The following CDK14 variants were observed in gnomAD, a reference collection of about 807,000 sequenced individuals.
The protein encoded by CDK14 is cyclin dependent kinase 14.
A neutral mutation model predicts 60.7 loss-of-function variants in CDK14; 34 were observed. The observed-to-expected ratio is 0.56, with a 90% CI of 0.43 to 0.75. The LOEUF is 0.75. Among genes scored for constraint, CDK14 ranks in the 30% least tolerant of loss-of-function variants. The pLI is 0.00. For synonymous variants in CDK14, 197 were observed against 203.7 expected (o/e 0.97, Z 0.28); for missense variants, 482 against 564.1 (o/e 0.85, Z 1.47).
At chr7:90,611,891 G>GGC (rs1799545814) in intron 2 of CDK14, among the ~76,000 whole-genome samples, 1 of 145,944 alleles carries the variant, frequency 6.9e-6, no homozygotes, top group South Asian at 2.2e-4. Flanking sequence ...GGAGTGCAGT[G>GGC]GCGCAATCTC....
intron 7 of CDK14, among the ~76,000 whole-genome samples, chr7:90,908,666 T>G (rs1458476109): frequency 6.6e-6 from 1 of 152,086 alleles, no homozygotes; most frequent in Non-Finnish European, 1.5e-5. Flanking sequence ...AGTAGTAGAG[T>G]ATACACATAT....
At chr7:91,118,258 G>T (rs940800468) in intron 14 of CDK14, 50 bp downstream of exon 14, 2 of 839,974 alleles carry the variant, frequency 2.4e-6, no homozygotes, top group Non-Finnish European at 3.9e-6. Flanking sequence ...GATATTGAAC[G>T]GATTCTTTAA....
At chr7:90,684,373 T>C (rs1401848645) in intron 2 of CDK14, among the ~76,000 whole-genome samples, 1 of 152,198 alleles carries the variant, frequency 6.6e-6, no homozygotes, top group Non-Finnish European at 1.5e-5. Flanking sequence ...AGGTAACATA[T>C]CCATCACTTA....
intron 2 of CDK14, among the ~76,000 whole-genome samples, chr7:90,622,931 T>C (rs1312754398): frequency 3.3e-5 from 5 of 150,218 alleles, no homozygotes; most frequent in Non-Finnish European, 3.0e-5. Flanking sequence ...TTCTTTTTTT[T>C]TTTTTTTAGC....
intron 2 of CDK14, among the ~76,000 whole-genome samples, chr7:90,641,128 G>A (rs1210469292): frequency 6.6e-6 from 1 of 151,424 alleles, no homozygotes; most frequent in Non-Finnish European, 1.5e-5. Flanking sequence ...ACAAAAACAG[G>A]TAATTGCAAA....
At chr7:91,115,169 C>A (rs1799570649) in intron 13 of CDK14, among the ~76,000 whole-genome samples, 1 of 152,206 alleles carries the variant, frequency 6.6e-6, no homozygotes, top group South Asian at 2.1e-4. Flanking sequence ...TCTTAGCAAC[C>A]AAGCTGTAGT....
At chr7:91,116,291 A>C (rs1799608508) in intron 13 of CDK14, among the ~76,000 whole-genome samples, 1 of 152,234 alleles carries the variant, frequency 6.6e-6, no homozygotes. Flanking sequence ...AAATTCAGTG[A>C]AAGAAGGCCA....
At chr7:90,598,729 G>A in intron 1 of CDK14, among the ~76,000 whole-genome samples, 1 of 9,946 alleles carries the variant, frequency 1.0e-4, no homozygotes, top group African/African-American at 2.3e-4. Flanking sequence ...TTTTGAGACG[G>A]AGTCTCGCTC....
chr7:90,732,142 T>G (rs1802891374), intron 3 of CDK14, among the ~76,000 whole-genome samples: 1 of 152,294 alleles, frequency 6.6e-6, no homozygotes, highest in South Asian at 2.1e-4. Flanking sequence ...TGGATTACAT[T>G]TATTGATTGG....
rs145267960 is a variant in CDK14, at chr7:91,201,392, G to A, written c.*29-5773G>A. 2.6e-4 allele frequency among the ~76,000 whole-genome samples: 39 copies of A among 152,202 alleles called. No individual in the cohort carries two copies. In the East Asian group the frequency reaches 4.8e-3, roughly 19 times the overall value. ...AGAATATCCTGTTCACAATTTAGGCGATGAAAGGAAAACCTACAGTTGTTT... is the reference window on the plus strand; with the variant it reads ...AGAATATCCTGTTCACAATTTAGGCAATGAAAGGAAAACCTACAGTTGTTT... On this transcript the variant is annotated intron_variant, in intron 14 of 14. Transcript: ENST00000380050.
At chr7:90,928,342 A>G (rs1793487847) in intron 8 of CDK14, among the ~76,000 whole-genome samples, 1 of 152,118 alleles carries the variant, frequency 6.6e-6, no homozygotes, top group Non-Finnish European at 1.5e-5. Context: ...GTTTCTCCCC[A>G]TCTGTGTGGT....
chr7:90,785,895 A>G (rs1178097843), intron 4 of CDK14, among the ~76,000 whole-genome samples: 1 of 152,082 alleles, frequency 6.6e-6, no homozygotes, highest in Non-Finnish European at 1.5e-5. Context: ...AGAGTTTCTG[A>G]AATTGACAGA....
intron 5 of CDK14, among the ~76,000 whole-genome samples, chr7:90,858,924 G>T (rs1425608648): frequency 6.6e-6 from 1 of 152,180 alleles, no homozygotes; most frequent in African/African-American, 2.4e-5. Context: ...TGTGGTAAAT[G>T]TATAGTGATT....
At chr7:91,133,685 G>A (rs43004) in intron 14 of CDK14, among the ~76,000 whole-genome samples, 114,119 of 151,980 alleles carry the variant, frequency 0.75, 43,032 homozygotes, top group Admixed American at 0.8. Flanking sequence ...TAACAGAGAA[G>A]ATGGTTTTAC....
intron 4 of CDK14, among the ~76,000 whole-genome samples, chr7:90,786,446 A>G (rs772178906): frequency 3.3e-5 from 5 of 152,238 alleles, no homozygotes. Context: ...TATTTAAATC[A>G]ACGTTTGAAT....
At chr7:90,598,955 C>T (rs1036829252) in intron 1 of CDK14, among the ~76,000 whole-genome samples, 6 of 151,946 alleles carry the variant, frequency 3.9e-5, no homozygotes, top group East Asian at 1.9e-4. Context: ...CCGCCCGCCT[C>T]GGCCTCCCAA....
intron 2 of CDK14, among the ~76,000 whole-genome samples, chr7:90,696,774 G>C (rs1340627980): frequency 6.6e-6 from 1 of 152,172 alleles, no homozygotes; most frequent in Admixed American, 6.5e-5. Flanking sequence ...GATGGCAAGA[G>C]GCCCAAGGTC....
At chr7:91,009,345 A>G (rs888817766) in intron 10 of CDK14, among the ~76,000 whole-genome samples, 3 of 152,142 alleles carry the variant, frequency 2.0e-5, no homozygotes, top group Admixed American at 6.6e-5. Flanking sequence ...ACATTCATGT[A>G]AAATTCTTTA....
At chr7:90,977,918 C>A (rs1403822242) in intron 9 of CDK14, among the ~76,000 whole-genome samples, 2 of 152,090 alleles carry the variant, frequency 1.3e-5, no homozygotes, top group African/African-American at 4.8e-5. Context: ...AGGAGACACA[C>A]CCCCAAAAGC....
Sources: allele counts gnomAD v4.1 joint callset (sites outside exome capture counted in the v4.1 genomes callset), GRCh38; gene constraint gnomAD v4.1.1; transcripts MANE v1.5; gene names NCBI Gene and HGNC (gene_info 2026-07-23, HGNC 2026-07-21).